Variants in FAF2 observed in about 807,000 individuals in gnomAD.
FAF2 encodes Fas associated factor family member 2.
In FAF2, 9 loss-of-function variants were observed where a neutral mutation model predicts 62.3. The ratio of observed to expected loss-of-function variants is 0.14; its 90% confidence interval spans 0.09 to 0.25. The LOEUF (loss-of-function observed/expected upper bound fraction) is 0.25, where lower values mean the gene tolerates loss of function less well. Ranked by LOEUF, FAF2 falls within the 10% of genes least tolerant of loss-of-function variation. The probability of loss-of-function intolerance (pLI) is 1.00; values close to 1 mark genes in which losing one functional copy is unlikely to be tolerated. For missense variants in FAF2, 368 were observed against 556.2 expected (o/e 0.66, Z 3.40); for synonymous variants, 202 against 198.0 (o/e 1.02, Z -0.17).
chr5:176,498,677 A>G (rs1014207413), intron 8 of FAF2, among the ~76,000 whole-genome samples: 1 of 152,214 alleles, frequency 6.6e-6, no homozygotes, highest in Non-Finnish European at 1.5e-5. Context: ...TTTATTTTAA[A>G]AGAGGAGAGG....
chr5:176,450,329 C>T (rs1758140845), intron 1 of FAF2, among the ~76,000 whole-genome samples: 1 of 152,188 alleles, frequency 6.6e-6, no homozygotes, highest in East Asian at 1.9e-4. Context: ...CCAGCTTACA[C>T]TTCCAGGTAG....
chr5:176,474,861 A>G (rs1042912516), intron 1 of FAF2, among the ~76,000 whole-genome samples: 4 of 152,218 alleles, frequency 2.6e-5, no homozygotes, highest in Non-Finnish European at 5.9e-5. Context: ...TAAACAGGGC[A>G]GGGACTGTAT....
intron 1 of FAF2, among the ~76,000 whole-genome samples, chr5:176,453,916 C>T (rs933533128): frequency 7.9e-5 from 12 of 150,986 alleles, no homozygotes; most frequent in African/African-American, 2.9e-4. Flanking sequence ...ATTAGCTGGG[C>T]GTCGTGTCAG....
intron 2 of FAF2, among the ~76,000 whole-genome samples, chr5:176,481,946 A>G (rs541021924): frequency 2.0e-5 from 3 of 152,200 alleles, no homozygotes; most frequent in African/African-American, 4.8e-5. Flanking sequence ...ACTGTTTTCA[A>G]AGTGGTTATA....
At chr5:176,497,513 C>T (rs867893609) in intron 8 of FAF2, among the ~76,000 whole-genome samples, 16 of 152,276 alleles carry the variant, frequency 1.1e-4, no homozygotes, top group South Asian at 1.0e-3. Flanking sequence ...CCTTTTCCCT[C>T]ATCATTAAAT....
chr5:176,490,033 C>T (rs1188232716), intron 4 of FAF2, among the ~76,000 whole-genome samples: 3 of 150,880 alleles, frequency 2.0e-5, no homozygotes, highest in Non-Finnish European at 4.4e-5. Context: ...CTCAACTGGC[C>T]GGGCTCTGTG....
At chr5:176,495,693 G>T (rs1455996555) in intron 7 of FAF2, among the ~76,000 whole-genome samples, 1 of 151,816 alleles carries the variant, frequency 6.6e-6, no homozygotes, top group African/African-American at 2.4e-5. Flanking sequence ...TGTATTTTTT[G>T]TAGAGATGGG....
chr5:176,477,095 AC>A (rs1758711653), intron 1 of FAF2, among the ~76,000 whole-genome samples: 2 of 133,824 alleles, frequency 1.5e-5, no homozygotes, highest in Non-Finnish European at 3.1e-5. Context: ...GGCGTGAGCC[AC>A]CGTGCCCGGC....
At chr5:176,454,579 A>G (rs1243626083) in intron 1 of FAF2, among the ~76,000 whole-genome samples, 6 of 15,086 alleles carry the variant, frequency 4.0e-4, no homozygotes, top group Admixed American at 7.7e-4. Context: ...TTCTGTCTGA[A>G]AAAAAAAAAA....
At chr5:176,493,063 G>C (rs918320029) in intron 5 of FAF2, among the ~76,000 whole-genome samples, 1 of 152,168 alleles carries the variant, frequency 6.6e-6, no homozygotes, top group Admixed American at 6.6e-5. Context: ...TAGTTTGCCA[G>C]AGAAATACAT....
chr5:176,488,970 A>T lies in FAF2; in HGVS notation c.287A>T (p.Tyr96Phe). 6.2e-7 allele frequency: 1 copy of T among 1,614,004 alleles called. No individual in the cohort carries two copies. The highest frequency in any genetic ancestry group is 8.5e-7 in the Non-Finnish European group (1 of 1,179,934). Residue 96 changes from tyrosine (Y) to phenylalanine (F), a missense_variant, in exon 4 of 11, where the codon TAT becomes TTT. Tyr to Phe is a conservative substitution (Grantham distance 22, BLOSUM62 3). This residue lies in a region of FAF2 where 331 missense variants were observed against 441.9 expected (regional missense o/e 0.75). Transcript: ENST00000261942. ...PQPRGLLGWGYYLIMLPFRFT... is the reference protein window; with the variant it reads ...PQPRGLLGWGFYLIMLPFRFT... ...TTTCAGGGGCTGCTTGGATGGGGTT[A>T]TTACTTGATAATGCTTCCATTCCGG...
Position 176,477,303 on chromosome 5 carries a change from T to G in FAF2, c.64-1885T>G, listed in dbSNP as rs1246709409. 2.1e-5 allele frequency among the ~76,000 whole-genome samples: 3 copies of G among 141,516 alleles called. No homozygotes were observed. The Admixed American group carries it at 2.2e-4, about 10-fold the overall frequency. The allele number at this position is 141,516 out of a possible 152,430, so 92.8% of individuals were successfully genotyped here. A position where few individuals can be genotyped will look rare whatever the true frequency, so the allele number is the denominator to read the frequency against. On this transcript the variant is annotated intron_variant, in intron 1 of 10. Coordinates refer to ENST00000261942, the MANE Select transcript of FAF2 (RefSeq NM_014613.3). The stretch of plus-strand genomic sequence containing the variant: ...GTTTTAACCATGTTGGCCAGGCTGG[T>G]CTCTAACTCCTGACCTCATGTGATC...
At chr5:176,488,484 C>T (rs901806843) in intron 3 of FAF2, among the ~76,000 whole-genome samples, 1 of 151,898 alleles carries the variant, frequency 6.6e-6, no homozygotes, top group African/African-American at 2.4e-5. Flanking sequence ...TTCAGTGGCG[C>T]GATCTCAGCT....
At chr5:176,484,408 G>A (rs1052756306) in intron 2 of FAF2, among the ~76,000 whole-genome samples, 4 of 152,092 alleles carry the variant, frequency 2.6e-5, no homozygotes, top group Non-Finnish European at 4.4e-5. Flanking sequence ...TTTGTCCAGC[G>A]TCTCCATACT....
chr5:176,490,252 A>C (rs1758950593), intron 4 of FAF2, among the ~76,000 whole-genome samples: 1 of 151,282 alleles, frequency 6.6e-6, no homozygotes, highest in Admixed American at 6.6e-5. Flanking sequence ...CGGAGCTTGC[A>C]GTGAGCCTAG....
rs142447930 is a variant in FAF2 at position 176,472,744 on chromosome 5, A to G, written c.64-6444A>G. Among the ~76,000 whole-genome samples, 223 of 151,552 alleles carry G rather than the reference A, an allele frequency of 1.5e-3. 1 individual carries two copies. The highest frequency in any genetic ancestry group is 5.2e-3 in the African/African-American group (214 of 41,372). On this transcript the variant is annotated intron_variant, in intron 1 of 10. Coordinates refer to ENST00000261942, the MANE Select transcript of FAF2 (RefSeq NM_014613.3). ...CAAAAAAAAAAAAAAAAGAAAAGAA[A>G]GAAAGAAAAAAGAAAGAAAGAAAAA...
Position 176,489,040 on chromosome 5 carries a change from G to A in FAF2, c.344+13G>A. The A allele has an allele frequency of 1.3e-6, 2 of 1,598,302 alleles. No homozygotes were observed. Among genetic ancestry groups the A allele is most frequent in the Non-Finnish European group, 1.7e-6 (2 of 1,167,312 alleles). On this transcript the variant is annotated intron_variant, in intron 4 of 10. Coordinates refer to ENST00000261942, the MANE Select transcript of FAF2 (RefSeq NM_014613.3). ...TTGATATATTTAGGTATGTACCTTT[G>A]GATTTATGTATTAGTAGAATAGTAA...
intron 1 of FAF2, among the ~76,000 whole-genome samples, chr5:176,457,629 T>G (rs973847339): frequency 2.7e-5 from 4 of 150,332 alleles, no homozygotes; most frequent in African/African-American, 7.4e-5. Flanking sequence ...TAAAACTGAT[T>G]ATTTGATTTG....
At chr5:176,452,427 T>A (rs192263481) in intron 1 of FAF2, among the ~76,000 whole-genome samples, 13 of 152,302 alleles carry the variant, frequency 8.5e-5, no homozygotes, top group Non-Finnish European at 1.6e-4. Flanking sequence ...TTATGTTTAA[T>A]CCTTACAGCA....
Sources: gnomAD v4.1 joint callset for allele counts (sites outside exome capture counted in the v4.1 genomes callset) on GRCh38, gnomAD v4.1.1 for gene constraint, gnomAD v4.1.1 regional missense constraint, MANE v1.5 for transcripts, NCBI Gene and HGNC (gene_info 2026-07-23, HGNC 2026-07-21) for gene names.